The following PRIMA1 variants were observed in gnomAD, a reference collection of about 807,000 sequenced individuals.
PRIMA1 encodes the protein proline-rich membrane anchor 1.
In PRIMA1, 7 loss-of-function variants were observed where a neutral mutation model predicts 17.5. That is an observed-to-expected ratio of 0.40 (90% CI 0.23 to 0.75). The LOEUF is 0.75. PRIMA1 is among the 30% of genes least tolerant of loss of function. PRIMA1 has a pLI of 0.37. For missense variants in PRIMA1, 200 were observed against 201.8 expected, an observed-to-expected ratio of 0.99 and a Z score of 0.05; for synonymous variants, 97 against 77.9, an observed-to-expected ratio of 1.25 and a Z score of -1.29.
At chr14:93,771,368 G>A (rs1595220627) in intron 3 of PRIMA1, among the ~76,000 whole-genome samples, 1 of 152,146 alleles carries the variant, frequency 6.6e-6, no homozygotes, top group East Asian at 1.9e-4. Context: ...GCTCCCATCA[G>A]CCTCTCAACC....
chr14:93,775,042 C>CT (rs1885173655), intron 3 of PRIMA1, among the ~76,000 whole-genome samples: 1 of 152,234 alleles, frequency 6.6e-6, no homozygotes, highest in East Asian at 1.9e-4. Context: ...CTGGGCCCTG[C>CT]TGATGTGGAT....
intron 3 of PRIMA1, among the ~76,000 whole-genome samples, chr14:93,774,677 C>T (rs1439054270): frequency 6.6e-6 from 1 of 152,186 alleles, no homozygotes; most frequent in African/African-American, 2.4e-5. Flanking sequence ...TTCCCAAATC[C>T]GTCCTCCCTG....
intron 2 of PRIMA1, among the ~76,000 whole-genome samples, chr14:93,780,028 G>A (rs1263921293): frequency 3.9e-5 from 6 of 152,168 alleles, no homozygotes; most frequent in African/African-American, 1.4e-4. Flanking sequence ...GTCTGCAAGG[G>A]GCGATCCCTG....
intron 3 of PRIMA1, among the ~76,000 whole-genome samples, chr14:93,775,724 T>G (rs1331717212): frequency 6.6e-6 from 1 of 152,244 alleles, no homozygotes; most frequent in Admixed American, 6.5e-5. Context: ...CCACCACTGG[T>G]CTAATCCACC....
At chr14:93,788,225 C>T (rs1885584959) in intron 1 of PRIMA1, among the ~76,000 whole-genome samples, 185 bp downstream of exon 1, 1 of 152,144 alleles carries the variant, frequency 6.6e-6, no homozygotes, top group African/African-American at 2.4e-5. Context: ...GCATGCACGG[C>T]CCCAAGAAAT....
In PRIMA1 at chr14:93,726,632, A is replaced by G. The variant is rs1566962659; in HGVS notation, c.360-5086T>C. Among the ~76,000 whole-genome samples, 2 of 152,142 alleles carry G rather than the reference A, an allele frequency of 1.3e-5. No individual in the cohort carries two copies. The highest frequency in any genetic ancestry group is 1.3e-4 in the Admixed American group (2 of 15,280). ...ATATAATATACACATAGACACATGT[A>G]CACATGCACAAATCCACACACACAT... On this transcript the variant is annotated intron_variant, in intron 4 of 4. Coordinates refer to ENST00000393140, the MANE Select transcript of PRIMA1 (RefSeq NM_178013.4). This position sits in a 1 kb window ranked among gnomAD's most constrained non-coding sequence, Gnocchi z 4.2.
intron 2 of PRIMA1, 28 bp downstream of exon 2, chr14:93,787,598 C>A: frequency 1.9e-6 from 3 of 1,538,690 alleles, no homozygotes; most frequent in Non-Finnish European, 2.6e-6. Flanking sequence ...GAGGCCCTCC[C>A]AGCCAGTGCG....
At position 93,743,825 on chromosome 14, in the gene PRIMA1, G is replaced by A. The variant is rs113735968; in HGVS notation, c.230-6455C>T. Among the ~76,000 whole-genome samples, 958 of 152,264 alleles carry A rather than the reference G, an allele frequency of 6.3e-3. 13 individuals carry two copies. The highest frequency in any genetic ancestry group is 0.022 in the African/African-American group (925 of 41,560). ...GTCCCCTTTGGCACCACTCCCTCCC[G>A]CCCACCAAAGTGTCTTGAGGAAACT... On this transcript the variant is annotated intron_variant, in intron 3 of 4. Coordinates refer to ENST00000393140, the MANE Select transcript of PRIMA1 (RefSeq NM_178013.4).
chr14:93,721,815 G>A (rs183786284), intron 4 of PRIMA1, among the ~76,000 whole-genome samples: 1 of 152,288 alleles, frequency 6.6e-6, no homozygotes, highest in Non-Finnish European at 1.5e-5. Flanking sequence ...TGATGAAGCA[G>A]GGACAACAGG....
intron 4 of PRIMA1, among the ~76,000 whole-genome samples, chr14:93,731,247 T>G (rs1049197243): frequency 2.6e-5 from 4 of 152,232 alleles, no homozygotes; most frequent in African/African-American, 7.2e-5. Flanking sequence ...GCAAGGGTGC[T>G]GGCCTTGGTA....
intron 3 of PRIMA1, among the ~76,000 whole-genome samples, chr14:93,742,993 G>A (rs533382649): frequency 1.6e-4 from 25 of 152,340 alleles, no homozygotes; most frequent in South Asian, 1.4e-3. Flanking sequence ...CTGACAGGAG[G>A]GAACAGAGCC....
Position 93,726,934 on chromosome 14 carries a change from T to C in PRIMA1, c.360-5388A>G, listed in dbSNP as rs2076081699. 6.6e-6 allele frequency among the ~76,000 whole-genome samples: 1 copy of C among 152,066 alleles called. No individual in the cohort carries two copies. On this transcript the variant is annotated intron_variant, in intron 4 of 4. Coordinates refer to ENST00000393140, the MANE Select transcript of PRIMA1 (RefSeq NM_178013.4). This position sits in a 1 kb window ranked among gnomAD's most constrained non-coding sequence, Gnocchi z 4.2. ...GCATATGCATACCTACAGACATATATCCCCACACTCATATACACACACACT... is the reference window on the plus strand; with the variant it reads ...GCATATGCATACCTACAGACATATACCCCCACACTCATATACACACACACT...
intron 3 of PRIMA1, among the ~76,000 whole-genome samples, chr14:93,757,518 T>G (rs1254102202): frequency 3.9e-5 from 6 of 152,222 alleles, no homozygotes; most frequent in Non-Finnish European, 1.5e-5. Context: ...AAATCCTTCA[T>G]GTATTTCTGA....
intron 3 of PRIMA1, among the ~76,000 whole-genome samples, chr14:93,770,935 C>T (rs1885040655): frequency 1.3e-5 from 2 of 152,332 alleles, no homozygotes; most frequent in South Asian, 4.1e-4. Flanking sequence ...GAGGACCCAG[C>T]AGACACTGGA....
chr14:93,744,098 G>C (rs1369850830), intron 3 of PRIMA1, among the ~76,000 whole-genome samples: 2 of 152,238 alleles, frequency 1.3e-5, no homozygotes, highest in African/African-American at 2.4e-5. Flanking sequence ...GGATCAAAAA[G>C]GGGAGGACCC....
intron 3 of PRIMA1, among the ~76,000 whole-genome samples, chr14:93,738,537 G>T (rs2076165547): frequency 6.6e-6 from 1 of 152,186 alleles, no homozygotes; most frequent in African/African-American, 2.4e-5. Flanking sequence ...ATATGCAAAA[G>T]AATCAGAAAT....
intron 3 of PRIMA1, among the ~76,000 whole-genome samples, chr14:93,743,836 T>C (rs12587586): frequency 6.6e-6 from 1 of 152,268 alleles, no homozygotes; most frequent in South Asian, 2.1e-4. Context: ...CCCACCAAAG[T>C]GTCTTGAGGA....
rs1441861814 is a variant in PRIMA1 at position 93,721,148 on chromosome 14, C to G, written c.*296G>C. 2.7e-6 allele frequency: 1 copy of G among 376,520 alleles called. No homozygotes were observed. Among genetic ancestry groups the G allele is most frequent in the South Asian group, 4.6e-5 (1 of 21,896 alleles). 23.3% of individuals were successfully genotyped at this position (376,520 alleles called of 1,614,324 possible). On this transcript the variant is annotated 3_prime_UTR_variant, in exon 5 of 5. Transcript: ENST00000393140. ...TCGCCAGTGCGCATGCTTTAGACAG[C>G]AGCTGGGGGCAGTCGACAGACCAGA...
At chr14:93,733,671 G>GA (rs879891149) in intron 4 of PRIMA1, among the ~76,000 whole-genome samples, 338 of 147,142 alleles carry the variant, frequency 2.3e-3, no homozygotes, top group African/African-American at 7.2e-3. Context: ...AGAGTTAAAA[G>GA]AAAAAAAAAA....
Sources: gnomAD v4.1 joint callset for allele counts (sites outside exome capture counted in the v4.1 genomes callset) on GRCh38, gnomAD v4.1.1 for gene constraint, Gnocchi (gnomAD v3.1) non-coding constraint, MANE v1.5 for transcripts, NCBI Gene and HGNC (gene_info 2026-07-23, HGNC 2026-07-21) for gene names.